The following XCR1 variants were observed in gnomAD, a reference collection of about 807,000 sequenced individuals.
The protein encoded by XCR1 is X-C motif chemokine receptor 1, also known as chemokine XC receptor 1.
For synonymous variants in XCR1, 187 were observed against 188.5 expected, an observed-to-expected ratio of 0.99 and a Z score of 0.06; for missense variants, 356 against 424.2, an observed-to-expected ratio of 0.84 and a Z score of 1.41.
rs1020182273 is a variant in XCR1 at position 46,019,677 on chromosome 3, G to C, written c.*1269C>G. ...CAAGCTGCTGTGGGGAGGAGGCTTA[G>C]AGTGGAATAAGAATGGAAAAGTTGG... On this transcript the variant is annotated 3_prime_UTR_variant, in exon 2 of 2. Transcript: ENST00000309285. 1.3e-5 allele frequency: 2 copies of C among 152,578 alleles called. No homozygotes were observed. Among genetic ancestry groups the C allele is most frequent in the Non-Finnish European group, 2.9e-5 (2 of 68,368 alleles). 9.5% of individuals were successfully genotyped at this position (152,578 alleles called of 1,614,324 possible). A position where few individuals can be genotyped will look rare whatever the true frequency, so the allele number is the denominator to read the frequency against.
chr3:46,079,775 A>G (rs1320465761), intron 1 of XCR1, among the ~76,000 whole-genome samples: 1 of 152,240 alleles, frequency 6.6e-6, no homozygotes, highest in Non-Finnish European at 1.5e-5. Context: ...TAGGGTTTGC[A>G]GAACAATCTG....
At chr3:46,042,317 A>AGAGTAGAG (rs1254098781) in intron 5 of XCR1, among the ~76,000 whole-genome samples, 1 of 152,348 alleles carries the variant, frequency 6.6e-6, no homozygotes, top group East Asian at 1.9e-4. Context: ...GGAACAAAAA[A>AGAGTAGAG]GAGTAGAGTA....
intron 5 of XCR1, among the ~76,000 whole-genome samples, chr3:46,044,162 A>C (rs1697584710): frequency 1.3e-5 from 2 of 151,922 alleles, no homozygotes; most frequent in South Asian, 4.2e-4. Flanking sequence ...CACCCAGCTA[A>C]TTTTTGTATT....
At chr3:46,045,652 A>G (rs1359752701) in intron 5 of XCR1, among the ~76,000 whole-genome samples, 4 of 152,218 alleles carry the variant, frequency 2.6e-5, no homozygotes, top group Admixed American at 2.6e-4. Flanking sequence ...TTAAAAACCT[A>G]AAGCCACAAT....
At chr3:46,063,743 C>A (rs1698010210) in intron 4 of XCR1, among the ~76,000 whole-genome samples, 1 of 152,222 alleles carries the variant, frequency 6.6e-6, no homozygotes, top group Admixed American at 6.5e-5. Flanking sequence ...CGTCCCCCTT[C>A]CCCTAGTTCA....
intron 4 of XCR1, among the ~76,000 whole-genome samples, chr3:46,055,038 T>C (rs977464002): frequency 1.6e-4 from 25 of 152,330 alleles, no homozygotes; most frequent in African/African-American, 5.8e-4. Context: ...TCTTAAGTTA[T>C]ATCCCTTGTT....
At chr3:46,048,709 C>A (rs377090712) in intron 5 of XCR1, among the ~76,000 whole-genome samples, 2 of 152,220 alleles carry the variant, frequency 1.3e-5, no homozygotes, top group East Asian at 1.9e-4. Context: ...ATTTCCGTAA[C>A]ATTTTTGGAT....
intron 5 of XCR1, among the ~76,000 whole-genome samples, chr3:46,048,613 T>C (rs1472205824): frequency 6.6e-6 from 1 of 152,178 alleles, no homozygotes; most frequent in Non-Finnish European, 1.5e-5. Flanking sequence ...CCCACACGGC[T>C]TGTCCATCTC....
At chr3:46,066,609 G>A (rs1239583999) in intron 4 of XCR1, among the ~76,000 whole-genome samples, 2 of 152,144 alleles carry the variant, frequency 1.3e-5, no homozygotes, top group African/African-American at 4.8e-5. Flanking sequence ...GCATATATAG[G>A]TTCCCAGGCT....
At chr3:46,034,937 C>T (rs540975512) in intron 5 of XCR1, among the ~76,000 whole-genome samples, 1 of 152,278 alleles carries the variant, frequency 6.6e-6, no homozygotes, top group African/African-American at 2.4e-5. Flanking sequence ...ATGATTGCCT[C>T]CTTGCCCCTC....
At chr3:46,085,189 C>T (rs1041174126) in intron 1 of XCR1, among the ~76,000 whole-genome samples, 3 of 148,244 alleles carry the variant, frequency 2.0e-5, no homozygotes, top group African/African-American at 7.5e-5. Context: ...TATGTCTGCT[C>T]TAAGCATTTG....
chr3:46,069,299 A>G (rs571323112), intron 3 of XCR1, among the ~76,000 whole-genome samples: 2 of 152,314 alleles, frequency 1.3e-5, no homozygotes, highest in African/African-American at 4.8e-5. Flanking sequence ...AAATGACACA[A>G]AAAGATTGTT....
chr3:46,038,127 A>C (rs1697470903), intron 5 of XCR1, among the ~76,000 whole-genome samples: 1 of 150,656 alleles, frequency 6.6e-6, no homozygotes. Flanking sequence ...TCCCAGGTTC[A>C]AGCAATTTTT....
chr3:46,041,755 A>G (rs139678090), intron 5 of XCR1, among the ~76,000 whole-genome samples: 21 of 152,330 alleles, frequency 1.4e-4, no homozygotes, highest in African/African-American at 4.6e-4. Flanking sequence ...GGTCTCCCAA[A>G]AAGTATCAAA....
At chr3:46,068,656 T>A (rs1698116080) in intron 3 of XCR1, among the ~76,000 whole-genome samples, 1 of 152,148 alleles carries the variant, frequency 6.6e-6, no homozygotes, top group Non-Finnish European at 1.5e-5. Flanking sequence ...CAACCTGATA[T>A]TTTTTCTTCC....
At chr3:46,077,738 C>T (rs1300944160) in intron 1 of XCR1, among the ~76,000 whole-genome samples, 1 of 152,208 alleles carries the variant, frequency 6.6e-6, no homozygotes, top group Non-Finnish European at 1.5e-5. Context: ...AGCTTTGTAT[C>T]AGTCCACTCC....
upstream of XCR1, among the ~76,000 whole-genome samples, chr3:46,028,475 A>G (rs1708340552): frequency 6.6e-6 from 1 of 150,844 alleles, no homozygotes; most frequent in Non-Finnish European, 1.5e-5. Context: ...TACATTCTGG[A>G]TACTAGATCC....
intron 1 of XCR1, among the ~76,000 whole-genome samples, chr3:46,085,075 C>T (rs749648912): frequency 2.0e-5 from 3 of 152,134 alleles, no homozygotes; most frequent in Non-Finnish European, 4.4e-5. Flanking sequence ...TTTAAAATTA[C>T]ATTTTGTGCT....
At chr3:46,067,677 G>T (rs928720809) in intron 3 of XCR1, among the ~76,000 whole-genome samples, 2 of 152,146 alleles carry the variant, frequency 1.3e-5, no homozygotes, top group Admixed American at 1.3e-4. Flanking sequence ...TTCTATTAGA[G>T]GACTGTTAAC....
Sources: allele counts gnomAD v4.1 joint callset (sites outside exome capture counted in the v4.1 genomes callset), GRCh38; gene constraint gnomAD v4.1.1; transcripts MANE v1.5; gene names NCBI Gene and HGNC (gene_info 2026-07-23, HGNC 2026-07-21).